MCOLN3: variants seen among roughly 807,000 people sequenced by gnomAD.
MCOLN3 encodes mucolipin TRP cation channel 3, also known as mucolipin-3.
Under a neutral mutation model 69.4 loss-of-function variants are expected in MCOLN3, and 62 were observed. That is an observed-to-expected ratio of 0.89 (90% CI 0.73 to 1.10). The LOEUF (loss-of-function observed/expected upper bound fraction) is 1.10, where lower values mean the gene tolerates loss of function less well. MCOLN3 is among the 50% of genes least tolerant of loss of function. The probability of loss-of-function intolerance (pLI) is 0.00; values close to 1 mark genes in which losing one functional copy is unlikely to be tolerated. For missense variants in MCOLN3, 564 were observed against 656.4 expected (o/e 0.86, Z 1.54); for synonymous variants, 183 against 217.0 (o/e 0.84, Z 1.38).
In MCOLN3 at chr1:85,018,627, C is replaced by T. The variant is rs1375558091; in HGVS notation, c.*496G>A. 6.5e-6 allele frequency: 1 copy of T among 153,034 alleles called. No homozygotes were observed. Among genetic ancestry groups the T allele is most frequent in the Non-Finnish European group, 1.5e-5 (1 of 68,742 alleles). The allele number at this position is 153,034 out of a possible 1,614,324, so 9.5% of individuals were successfully genotyped here. On this transcript the variant is annotated 3_prime_UTR_variant, in exon 13 of 13. Coordinates refer to ENST00000370589, the MANE Select transcript of MCOLN3 (RefSeq NM_018298.11). ...TCTGGTGCGCTCTTATTCTGGTGCA[C>T]TCTTATTCTTCCTTTCAAGAGAAGA...
chr1:85,045,229 A>C lies in MCOLN3; in HGVS notation c.132T>G (p.Phe44Leu). ...ACTTCTCACAGGGATTCATGAAAAA[A>C]AATTTGAGTTTTCGCCTCATCTGGT... ...LEDQMRRKLK[F>L]FFMNPCEKFW... The change falls in exon 2 of 13, where the codon TTT becomes TTG. Residue 44 changes from phenylalanine to leucine, a missense_variant. Transcript: ENST00000370589. 1 of 1,614,128 alleles carries C rather than the reference A, an allele frequency of 6.2e-7. No homozygotes were observed. Among genetic ancestry groups the C allele is most frequent in the Non-Finnish European group, 8.5e-7 (1 of 1,180,020 alleles).
intron 4 of MCOLN3, among the ~76,000 whole-genome samples, chr1:85,033,638 CA>C (rs1381945369): frequency 6.6e-6 from 1 of 152,146 alleles, no homozygotes; most frequent in African/African-American, 2.4e-5. Context: ...CCCAAAGATG[CA>C]TGATAGTGAA....
intron 1 of MCOLN3, among the ~76,000 whole-genome samples, chr1:85,046,954 A>T (rs1653385773): frequency 2.0e-5 from 3 of 152,224 alleles, no homozygotes; most frequent in Admixed American, 2.0e-4. Flanking sequence ...GTTATTAATA[A>T]ATTAGGATTT....
chr1:85,042,468 A>G (rs575349894), intron 2 of MCOLN3, among the ~76,000 whole-genome samples: 40 of 152,374 alleles, frequency 2.6e-4, no homozygotes, highest in African/African-American at 9.1e-4. Context: ...CAATAAGATG[A>G]CATCTTGATA....
chr1:85,031,769 T>G (rs1481784855), intron 6 of MCOLN3, among the ~76,000 whole-genome samples: 2 of 152,016 alleles, frequency 1.3e-5, no homozygotes, highest in African/African-American at 4.8e-5. Context: ...TAAAAGATAA[T>G]TGACTGTTTA....
At chr1:85,026,509 C>A (rs1652225138) in intron 7 of MCOLN3, among the ~76,000 whole-genome samples, 3 of 151,816 alleles carry the variant, frequency 2.0e-5, no homozygotes, top group East Asian at 3.9e-4. Context: ...GTAATCCCAG[C>A]ACTTTGGGAG....
intron 7 of MCOLN3, among the ~76,000 whole-genome samples, chr1:85,028,869 A>T (rs538545076): frequency 5.3e-5 from 8 of 152,256 alleles, no homozygotes; most frequent in African/African-American, 1.9e-4. Context: ...GGGGACTGTG[A>T]GTACATTCTT....
intron 6 of MCOLN3, among the ~76,000 whole-genome samples, chr1:85,030,560 A>C (rs1286703049): frequency 3.9e-5 from 6 of 152,190 alleles, no homozygotes; most frequent in Admixed American, 2.6e-4. Context: ...TGACAAATAT[A>C]TTTTAAGAAA....
At position 85,026,576 on chromosome 1, in the gene MCOLN3, G is replaced by A. The variant is rs552144506; in HGVS notation, c.833-292C>T. ...TCAAGACCATCCTGGCCAATGCGGT[G>A]AAACCCTGTCTCTACTAAAAATACA... On this transcript the variant is annotated intron_variant, in intron 7 of 12. Transcript: ENST00000370589. Among the ~76,000 whole-genome samples, 15 of 152,142 alleles carry A rather than the reference G, an allele frequency of 9.9e-5. No homozygotes were observed. The South Asian group carries it at 2.7e-3, about 27-fold the overall frequency.
intron 8 of MCOLN3, 26 bp from the exon 9 acceptor site, chr1:85,026,114 G>C: frequency 6.2e-7 from 1 of 1,612,424 alleles, no homozygotes; most frequent in Non-Finnish European, 8.5e-7. Flanking sequence ...GGGAGGCACA[G>C]TGAATGTCTC....
intron 1 of MCOLN3, among the ~76,000 whole-genome samples, chr1:85,046,307 G>T (rs1571132573): frequency 8.5e-4 from 1 of 1,180 alleles, no homozygotes; most frequent in Admixed American, 6.7e-3. Flanking sequence ...ATATCTATTT[G>T]GGGGGGGGGG....
At chr1:85,022,493 G>T in intron 9 of MCOLN3, 93 bp from the exon 10 acceptor site, 1 of 806,148 alleles carries the variant, frequency 1.2e-6, no homozygotes, top group Non-Finnish European at 2.0e-6. Context: ...CACTGTTTTA[G>T]GTGCTAAGGA....
chr1:85,034,255 C>T lies in MCOLN3; in HGVS notation c.397-4G>A. ...AGACATTGTATAGCTGCAAGTACTT[C>T]AACCAAAATGAGAAACAGAAAATGG... On this transcript the variant is annotated splice_region_variant and splice_polypyrimidine_tract_variant and intron_variant, in intron 3 of 12. Transcript: ENST00000370589. The T allele has an allele frequency of 3.1e-6, 5 of 1,613,932 alleles. No individual in the cohort carries two copies. The highest frequency in any genetic ancestry group is 4.2e-6 in the Non-Finnish European group (5 of 1,179,864).
chr1:85,033,716 A>G lies in MCOLN3; in HGVS notation c.550+382T>C, dbSNP rs376149672. Among the ~76,000 whole-genome samples, 6 of 152,324 alleles carry G rather than the reference A, an allele frequency of 3.9e-5. No individual in the cohort carries two copies. The East Asian group carries it at 7.7e-4, about 20-fold the overall frequency. ...GCAAGCATAATGTTTTACAAACATT[A>G]TATCTATCTATTAATACTTCACTGG... On this transcript the variant is annotated intron_variant, in intron 4 of 12. Coordinates refer to ENST00000370589, the MANE Select transcript of MCOLN3 (RefSeq NM_018298.11).
In MCOLN3 at chr1:85,040,554, A is replaced by G. The variant is rs189152363; in HGVS notation, c.396+456T>C. ...GGCAGTTAGTCAATGTCACAATAAA[A>G]TCATTGTCATGTATGACATAAAGGC... On this transcript the variant is annotated intron_variant, in intron 3 of 12. Coordinates refer to ENST00000370589, the MANE Select transcript of MCOLN3 (RefSeq NM_018298.11). Among the ~76,000 whole-genome samples the G allele has an allele frequency of 3.9e-3, 592 of 152,284 alleles. 6 individuals carry two copies. Among genetic ancestry groups the G allele is most frequent in the Non-Finnish European group, 1.1e-3 (75 of 68,024 alleles).
chr1:85,034,483 G>T (rs977619187), intron 3 of MCOLN3, among the ~76,000 whole-genome samples: 8 of 152,174 alleles, frequency 5.3e-5, no homozygotes, highest in African/African-American at 1.9e-4. Context: ...TGACCTTCTA[G>T]TTCCTGATCT....
chr1:85,046,572 A>C (rs1028352391), intron 1 of MCOLN3, among the ~76,000 whole-genome samples: 4 of 152,210 alleles, frequency 2.6e-5, no homozygotes, highest in African/African-American at 9.6e-5. Flanking sequence ...ATGAAGAAGG[A>C]AAATTGTAAC....
At chr1:85,046,446 AT>A (rs1168618336) in intron 1 of MCOLN3, among the ~76,000 whole-genome samples, 3 of 152,206 alleles carry the variant, frequency 2.0e-5, no homozygotes, top group Non-Finnish European at 4.4e-5. Context: ...TAAGATTGAT[AT>A]TATACTATGG....
intron 4 of MCOLN3, 83 bp downstream of exon 4, chr1:85,034,015 A>G: frequency 7.0e-7 from 1 of 1,419,046 alleles, no homozygotes; most frequent in Non-Finnish European, 9.8e-7. Context: ...GACCAAATCA[A>G]TGTTTTCAAA....
Sources: gnomAD v4.1 joint callset for allele counts (sites outside exome capture counted in the v4.1 genomes callset) on GRCh38, gnomAD v4.1.1 for gene constraint, MANE v1.5 for transcripts, NCBI Gene and HGNC (gene_info 2026-07-23, HGNC 2026-07-21) for gene names.